Variants in SMG1 observed in about 807,000 individuals in gnomAD.
SMG1 encodes serine/threonine-protein kinase SMG1.
A neutral mutation model predicts 419.9 loss-of-function variants in SMG1; 22 were observed. That is an observed-to-expected ratio of 0.05 (90% CI 0.04 to 0.07). The LOEUF (loss-of-function observed/expected upper bound fraction) is 0.07. Ranked by LOEUF, SMG1 falls within the 10% of genes least tolerant of loss-of-function variation. The probability of loss-of-function intolerance (pLI) is 1.00; values close to 1 mark genes in which losing one functional copy is unlikely to be tolerated. For missense variants in SMG1, 3,185 were observed against 4,342.0 expected (o/e 0.73, Z 7.49); for synonymous variants, 1,538 against 1,553.5 (o/e 0.99, Z 0.23).
intron 22 of SMG1, 22 bp from the exon 23 acceptor site, chr16:18,866,797 T>C: frequency 1.3e-6 from 2 of 1,594,912 alleles, no homozygotes; most frequent in Non-Finnish European, 1.7e-6. Flanking sequence ...TTCAGAAAAA[T>C]TAGTCACCCA....
At chr16:18,859,904 G>C (rs1304631840) in intron 26 of SMG1, among the ~76,000 whole-genome samples, 1 of 152,138 alleles carries the variant, frequency 6.6e-6, no homozygotes, top group Admixed American at 6.6e-5. Context: ...CTAAAAAGCA[G>C]TTGCCTTCAA....
At chr16:18,829,184 G>C in intron 54 of SMG1, 102 bp downstream of exon 54, 1 of 994,184 alleles carries the variant, frequency 1.0e-6, no homozygotes, top group South Asian at 1.7e-5. Flanking sequence ...TGTGAGTTCA[G>C]GAAGTTTTAA....
rs371203034 is a variant in SMG1 at position 18,845,597 on chromosome 16, G to A, written c.6051C>T (p.Ile2017=). 1.2e-5 allele frequency: 20 copies of A among 1,613,186 alleles called. No individual in the cohort carries two copies. Among genetic ancestry groups the A allele is most frequent in the South Asian group, 9.9e-5 (9 of 91,068 alleles). Residue 2017 remains isoleucine, a synonymous_variant, in exon 39 of 63, where the codon ATC becomes ATT. Coordinates refer to ENST00000446231, the MANE Select transcript of SMG1 (RefSeq NM_015092.5). ...REKHTALMKP[I]VFALEHVRSI... is the part of the protein sequence containing the mutation. ...TCCTCACATGCTCCAAAGCAAATAC[G>A]ATGGGCTTCATCAAAGCTGTGTGCT... is the stretch of plus-strand genomic sequence containing the variant.
intron 1 of SMG1, among the ~76,000 whole-genome samples, chr16:18,919,695 C>T (rs1489344494): frequency 2.3e-5 from 3 of 127,916 alleles, no homozygotes; most frequent in African/African-American, 5.6e-5. Flanking sequence ...CACACACACA[C>T]ACACAATCTC....
At chr16:18,848,242 G>C (rs2034379784) in intron 36 of SMG1, among the ~76,000 whole-genome samples, 1 of 151,668 alleles carries the variant, frequency 6.6e-6, no homozygotes, top group South Asian at 2.1e-4. Flanking sequence ...GCTAATGGAA[G>C]ATACAAAGGA....
At chr16:18,815,090 A>G in intron 60 of SMG1, 85 bp downstream of exon 60, 1 of 860,946 alleles carries the variant, frequency 1.2e-6, no homozygotes. Context: ...TAAGTGTTTA[A>G]TATTAGACAG....
chr16:18,878,009 A>T (rs1345845165), intron 11 of SMG1: 1 of 152,216 alleles, frequency 6.6e-6, no homozygotes, highest in Non-Finnish European at 1.5e-5. Flanking sequence ...ATAGAAGCTG[A>T]GTGTTAAATA....
chr16:18,835,198 C>G, intron 48 of SMG1, 34 bp from the exon 49 acceptor site: 1 of 1,577,292 alleles, frequency 6.3e-7, no homozygotes, highest in Non-Finnish European at 8.6e-7. Context: ...TTGTTTATAA[C>G]ACAACCACCC....
At position 18,815,388 on chromosome 16, in the gene SMG1, C is replaced by G. The variant is rs577192059; in HGVS notation, c.10514+52G>C. 252 of 1,578,522 alleles carry G rather than the reference C, an allele frequency of 1.6e-4. No homozygotes were observed. The African/African-American group carries it at 2.9e-3, about 18-fold the overall frequency. ...TAAATCAAGAGATAAACTTCTTATA[C>G]CAGTAGTTTTGTACTTATGTTTTAT... On this transcript the variant is annotated intron_variant, in intron 59 of 62. Transcript: ENST00000446231.
chr16:18,912,187 A>AT (rs11455324), intron 1 of SMG1, among the ~76,000 whole-genome samples: 11,919 of 143,426 alleles, frequency 0.083, 511 homozygotes, highest in African/African-American at 0.13. Context: ...CAGCGGGTGG[A>AT]TTTTTTTTTT....
At chr16:18,920,341 C>T (rs937287004) in intron 1 of SMG1, among the ~76,000 whole-genome samples, 50 of 148,434 alleles carry the variant, frequency 3.4e-4, no homozygotes, top group Non-Finnish European at 6.8e-4. Flanking sequence ...GAGATTGCAC[C>T]ATTGCACTCC....
At chr16:18,912,293 T>C (rs1596652318) in intron 1 of SMG1, among the ~76,000 whole-genome samples, 1 of 151,700 alleles carries the variant, frequency 6.6e-6, no homozygotes, top group Non-Finnish European at 1.5e-5. Context: ...ATGTATTTAT[T>C]TGCAAAGAGA....
At chr16:18,819,678 G>A (rs770993518) in intron 55 of SMG1, 24 bp from the exon 56 acceptor site, 1 of 1,522,228 alleles carries the variant, frequency 6.6e-7, no homozygotes, top group Non-Finnish European at 8.8e-7. Flanking sequence ...CAGAATCTTG[G>A]TGAAGGTATA....
intron 60 of SMG1, among the ~76,000 whole-genome samples, chr16:18,814,498 C>T (rs1038132122): frequency 8.6e-5 from 13 of 152,024 alleles, no homozygotes; most frequent in Admixed American, 2.6e-4. Flanking sequence ...AGTTTTGAGA[C>T]TCCGCCTCAA....
At chr16:18,892,652 G>A (rs1440519742) in intron 3 of SMG1, among the ~76,000 whole-genome samples, 1 of 152,046 alleles carries the variant, frequency 6.6e-6, no homozygotes, top group Non-Finnish European at 1.5e-5. Flanking sequence ...AGAATCACTG[G>A]AGCCCGTGAG....
Position 18,862,655 on chromosome 16 carries a change from C to T in SMG1, c.3695+995G>A, listed in dbSNP as rs900937074. On this transcript the variant is annotated intron_variant, in intron 25 of 62. Coordinates refer to ENST00000446231, the MANE Select transcript of SMG1 (RefSeq NM_015092.5). ...TCTCCATGCTTCCATACTTGCCCCC[C>T]ACCTCCAGTCTCTTCACCATAGCAG... Among the ~76,000 whole-genome samples, 2 of 152,278 alleles carry T rather than the reference C, an allele frequency of 1.3e-5. 1 individual carries two copies. The highest frequency in any genetic ancestry group is 4.1e-4 in the South Asian group (2 of 4,822).
In SMG1 at chr16:18,815,178, C is replaced by T. The variant is rs1458921366; in HGVS notation, c.10618G>A (p.Ala3540Thr). ...AGACTCAGGACTCTTCTCCTACCTG[C>T]AGCGAAGGATGGCTGATAAGTAGCA... ...SSATYQPSFA[A>T]AVRSNTGQKT... Residue 3540 changes from alanine to threonine, a missense_variant, in exon 60 of 63, where the codon GCA (alanine) becomes ACA (threonine). This residue lies in a region of SMG1 where 737 missense variants were observed against 846.6 expected (regional missense o/e 0.87). Transcript: ENST00000446231. 6.3e-7 allele frequency: 1 copy of T among 1,577,786 alleles called. No homozygotes were observed. The highest frequency in any genetic ancestry group is 2.3e-5 in the East Asian group (1 of 43,610).
At chr16:18,867,381 A>T (rs2035569754) in intron 22 of SMG1, among the ~76,000 whole-genome samples, 1 of 151,986 alleles carries the variant, frequency 6.6e-6, no homozygotes, top group African/African-American at 2.4e-5. Context: ...TAAAAATACA[A>T]AACTTAGCCG....
intron 50 of SMG1, among the ~76,000 whole-genome samples, 187 bp from the exon 51 acceptor site, chr16:18,833,353 T>C (rs1055707404): frequency 6.6e-6 from 1 of 152,194 alleles, no homozygotes; most frequent in Admixed American, 6.5e-5. Context: ...TTCTATTTCA[T>C]AGTCATGTGA....
Sources: allele counts gnomAD v4.1 joint callset (sites outside exome capture counted in the v4.1 genomes callset), GRCh38; gene constraint gnomAD v4.1.1; regional missense constraint gnomAD v4.1.1; transcripts MANE v1.5; gene names NCBI Gene and HGNC (gene_info 2026-07-23, HGNC 2026-07-21).